Variants in MAP2K5 observed in about 807,000 individuals in gnomAD.
MAP2K5 encodes the protein dual specificity mitogen-activated protein kinase kinase 5.
Under a neutral mutation model 83.1 loss-of-function variants are expected in MAP2K5, and 49 were observed. The ratio of observed to expected loss-of-function variants is 0.59; its 90% CI spans 0.47 to 0.75. The LOEUF is 0.75. Among genes scored for constraint, MAP2K5 ranks in the 30% least tolerant of loss-of-function variants. MAP2K5 has a pLI of 0.00. For missense variants in MAP2K5, 457 were observed against 557.5 expected, an observed-to-expected ratio of 0.82 and a Z score of 1.82; for synonymous variants, 202 against 191.8, an observed-to-expected ratio of 1.05 and a Z score of -0.44.
At position 67,658,595 on chromosome 15, in the gene MAP2K5, T is replaced by C. The variant is rs756632856; in HGVS notation, c.779T>C (p.Leu260Pro). The change falls in exon 12 of 22, where the codon CTT (leucine) becomes CCT (proline). Residue 260 changes from leucine (L) to proline (P), a missense_variant. Coordinates refer to ENST00000178640, the MANE Select transcript of MAP2K5 (RefSeq NM_145160.3). ...TATAGGAAAATGCCAGAACATGTCC[T>C]TGGAAGAATTGCAGTAGCAGTAAGT... Reference protein sequence around the residue: ...DVYRKMPEHVLGRIAVAVVKG... With the variant: ...DVYRKMPEHVPGRIAVAVVKG... The C allele has an allele frequency of 1.9e-6, 3 of 1,612,090 alleles. No individual in the cohort carries two copies. Among genetic ancestry groups the C allele is most frequent in the Non-Finnish European group, 2.5e-6 (3 of 1,178,612 alleles).
rs1247892531 is a variant in MAP2K5 at position 67,711,664 on chromosome 15, C to T, written c.1044+8256C>T. Among the ~76,000 whole-genome samples the T allele has an allele frequency of 8.0e-5, 5 of 62,822 alleles. No individual in the cohort carries two copies. In the Admixed American group the frequency reaches 8.6e-4, roughly 11 times the overall value. 41.2% of individuals were successfully genotyped at this position (62,822 alleles called of 152,430 possible). A position where few individuals can be genotyped will look rare whatever the true frequency, so the allele number is the denominator to read the frequency against. On this transcript the variant is annotated intron_variant, in intron 16 of 21. Coordinates refer to ENST00000178640, the MANE Select transcript of MAP2K5 (RefSeq NM_145160.3). ...CGTGATTTACACACGCACACACAGG[C>T]GTGCACGCACACACACACACACACA...
chr15:67,775,744 G>T lies in MAP2K5; in HGVS notation c.1242+2992G>T, dbSNP rs1216813040. Among the ~76,000 whole-genome samples the T allele has an allele frequency of 2.6e-5, 4 of 151,994 alleles. No homozygotes were observed. Among genetic ancestry groups the T allele is most frequent in the Non-Finnish European group, 5.9e-5 (4 of 68,004 alleles). On this transcript the variant is annotated intron_variant, in intron 21 of 21. Coordinates refer to ENST00000178640, the MANE Select transcript of MAP2K5 (RefSeq NM_145160.3). This position sits in a 1 kb window ranked among gnomAD's most constrained non-coding sequence, Gnocchi z 5.3. Reference sequence around the variant, plus strand: ...TTGAAAAGGGCCTTTGGAGGATGAAGTGAATTTTAATAGAGAGCTTTGAAG... The same window carrying T: ...TTGAAAAGGGCCTTTGGAGGATGAATTGAATTTTAATAGAGAGCTTTGAAG...
At chr15:67,766,462 A>G (rs542417270) in intron 19 of MAP2K5, among the ~76,000 whole-genome samples, 2 of 152,336 alleles carry the variant, frequency 1.3e-5, no homozygotes, top group African/African-American at 4.8e-5. Flanking sequence ...TTTTTGAAAT[A>G]TATTTCTCCA....
In MAP2K5 at chr15:67,794,892, A is replaced by G. The variant is rs181785727; in HGVS notation, c.1243-11754A>G. Among the ~76,000 whole-genome samples the G allele has an allele frequency of 3.8e-3, 573 of 152,358 alleles. 2 individuals carry two copies. Among genetic ancestry groups the G allele is most frequent in the Non-Finnish European group, 6.6e-3 (447 of 68,036 alleles). On this transcript the variant is annotated intron_variant, in intron 21 of 21. Transcript: ENST00000178640. The surrounding 1 kb of genome is among the most constrained non-coding windows in gnomAD (Gnocchi z 4.6). ...TACTTAATTGGCTGCTTCTTGAAAT[A>G]AGATGAGACAATAGATATGAAATGC...
chr15:67,600,652 C>T (rs1191609355), intron 7 of MAP2K5, 33 bp from the exon 8 acceptor site: 13 of 1,554,940 alleles, frequency 8.4e-6, no homozygotes, highest in Middle Eastern at 1.7e-4. Context: ...CACAGCATGA[C>T]ACCCTTTTTG....
intron 16 of MAP2K5, among the ~76,000 whole-genome samples, chr15:67,716,561 T>A (rs1408447996): frequency 6.6e-6 from 1 of 152,202 alleles, no homozygotes. Context: ...TTCTCTTATA[T>A]GCCTTATGTT....
rs1048477790 is a variant in MAP2K5, at chr15:67,736,819, C to A, written c.1074+8874C>A. Among the ~76,000 whole-genome samples, 2 of 152,192 alleles carry A rather than the reference C, an allele frequency of 1.3e-5. No homozygotes were observed. Among genetic ancestry groups the A allele is most frequent in the Admixed American group, 1.3e-4 (2 of 15,280 alleles). On this transcript the variant is annotated intron_variant, in intron 17 of 21. Transcript: ENST00000178640. This position sits in a 1 kb window ranked among gnomAD's most constrained non-coding sequence, Gnocchi z 4.3. ...TATTATCTCTCCCTCTTAAGCTCTG[C>A]GGTCCACTAGGCCTTCCACTTCTCT...
chr15:67,605,289 A>T (rs8032516), intron 8 of MAP2K5, among the ~76,000 whole-genome samples: 106,522 of 151,810 alleles, frequency 0.7, 37,906 homozygotes, highest in Middle Eastern at 0.8. Context: ...TCCTGACGTC[A>T]TGATCCACCT....
At chr15:67,689,101 T>C (rs996994774) in intron 13 of MAP2K5, among the ~76,000 whole-genome samples, 8 of 152,142 alleles carry the variant, frequency 5.3e-5, no homozygotes, top group Admixed American at 5.2e-4. Context: ...GTATAAAATG[T>C]CGTTAAAGCT....
chr15:67,645,470 T>C (rs890592820), intron 9 of MAP2K5, among the ~76,000 whole-genome samples: 3 of 152,198 alleles, frequency 2.0e-5, no homozygotes, highest in African/African-American at 7.2e-5. Flanking sequence ...AGCATGAGAC[T>C]GTGTCTCTAA....
At chr15:67,798,324 C>T (rs897678193) in intron 21 of MAP2K5, among the ~76,000 whole-genome samples, 2 of 152,232 alleles carry the variant, frequency 1.3e-5, no homozygotes, top group South Asian at 2.1e-4. Context: ...ATCCAAGGCC[C>T]CTGCCAGAGC....
chr15:67,765,755 G>A (rs2090030018), intron 19 of MAP2K5, among the ~76,000 whole-genome samples: 1 of 152,020 alleles, frequency 6.6e-6, no homozygotes, highest in Non-Finnish European at 1.5e-5. Flanking sequence ...GAGTGTGCAG[G>A]TACAGACACA....
At chr15:67,664,333 CA>C (rs11395465) in intron 12 of MAP2K5, among the ~76,000 whole-genome samples, 8 of 74,088 alleles carry the variant, frequency 1.1e-4, no homozygotes, top group African/African-American at 3.8e-4. Flanking sequence ...CTGTTTCTAC[CA>C]AAAAAAAAAA....
At chr15:67,632,414 A>G (rs1764828473) in intron 9 of MAP2K5, among the ~76,000 whole-genome samples, 1 of 152,182 alleles carries the variant, frequency 6.6e-6, no homozygotes, top group South Asian at 2.1e-4. Flanking sequence ...TAGATGTTTT[A>G]TAACTATTAT....
chr15:67,742,617 G>A (rs368398438), intron 17 of MAP2K5, among the ~76,000 whole-genome samples: 1 of 152,168 alleles, frequency 6.6e-6, no homozygotes, highest in East Asian at 1.9e-4. Context: ...AGAAAAGACT[G>A]ATATGGCAAA....
chr15:67,659,862 C>T (rs2087193896), intron 12 of MAP2K5, among the ~76,000 whole-genome samples: 1 of 152,110 alleles, frequency 6.6e-6, no homozygotes, highest in African/African-American at 2.4e-5. Flanking sequence ...ATCTTACTTC[C>T]CTCTTGTTTA....
intron 8 of MAP2K5, among the ~76,000 whole-genome samples, chr15:67,615,154 C>T (rs2086027350): frequency 6.6e-6 from 1 of 152,024 alleles, no homozygotes; most frequent in African/African-American, 2.4e-5. Context: ...CGTGCCACCA[C>T]GCCCTGCTAA....
chr15:67,596,673 GTC>G (rs1170785627), intron 7 of MAP2K5, among the ~76,000 whole-genome samples: 1 of 152,140 alleles, frequency 6.6e-6, no homozygotes, highest in African/African-American at 2.4e-5. Flanking sequence ...GGTTGTTGCT[GTC>G]TCTGTTTCTT....
intron 7 of MAP2K5, among the ~76,000 whole-genome samples, chr15:67,597,606 C>A (rs1310825814): frequency 6.6e-6 from 1 of 152,138 alleles, no homozygotes; most frequent in East Asian, 1.9e-4. Context: ...ATATAATGAA[C>A]ACTCTTCCTA....
Sources: gnomAD v4.1 joint callset for allele counts (sites outside exome capture counted in the v4.1 genomes callset) on GRCh38, gnomAD v4.1.1 for gene constraint, Gnocchi (gnomAD v3.1) non-coding constraint, MANE v1.5 for transcripts, NCBI Gene and HGNC (gene_info 2026-07-23, HGNC 2026-07-21) for gene names.